DPYD: variants seen among roughly 807,000 people sequenced by gnomAD.
DPYD encodes the protein dihydropyrimidine dehydrogenase [NADP(+)].
Under a neutral mutation model 116.2 loss-of-function variants are expected in DPYD, and 109 were observed. The observed-to-expected ratio is 0.94, with a 90% CI of 0.80 to 1.10. The LOEUF is 1.10. DPYD is among the 50% of genes least tolerant of loss of function. DPYD has a pLI of 0.00. For missense variants in DPYD, 1,302 were observed against 1,254.5 expected (o/e 1.04, Z -0.57); for synonymous variants, 440 against 432.0 (o/e 1.02, Z -0.23).
intron 3 of DPYD, chr1:97,797,073 G>C (rs972683295): frequency 5.3e-5 from 8 of 152,190 alleles, no homozygotes; most frequent in Admixed American, 5.2e-4. Flanking sequence ...TGAATAACAA[G>C]TAATGATCAA....
At chr1:97,350,590 T>C (rs1194246471) in intron 16 of DPYD, among the ~76,000 whole-genome samples, 1 of 152,164 alleles carries the variant, frequency 6.6e-6, no homozygotes, top group Non-Finnish European at 1.5e-5. Flanking sequence ...GGAGCAGTTG[T>C]GTTTAAATAT....
At chr1:97,561,930 G>A (rs1652180225) in intron 11 of DPYD, among the ~76,000 whole-genome samples, 2 of 152,124 alleles carry the variant, frequency 1.3e-5, no homozygotes, top group Non-Finnish European at 2.9e-5. Flanking sequence ...TACCCTGTAT[G>A]TTACACCAGA....
intron 5 of DPYD, among the ~76,000 whole-genome samples, chr1:97,703,911 A>G (rs924761716): frequency 7.9e-5 from 12 of 152,016 alleles, no homozygotes; most frequent in Non-Finnish European, 1.6e-4. Context: ...CTGTTTACAA[A>G]ATTCCTAAAA....
intron 11 of DPYD, among the ~76,000 whole-genome samples, chr1:97,559,105 A>C (rs1651948881): frequency 6.6e-6 from 1 of 152,106 alleles, no homozygotes; most frequent in Admixed American, 6.6e-5. Flanking sequence ...GGTGCTTAAT[A>C]TTTCTTGATA....
At chr1:97,699,767 A>G (rs1162297529) in intron 5 of DPYD, among the ~76,000 whole-genome samples, 1 of 151,838 alleles carries the variant, frequency 6.6e-6, no homozygotes, top group Non-Finnish European at 1.5e-5. Context: ...TCTAGGAAAC[A>G]CTCATGGGGC....
chr1:97,098,075 T>G (rs144526871), intron 21 of DPYD, among the ~76,000 whole-genome samples: 5 of 152,140 alleles, frequency 3.3e-5, no homozygotes, highest in African/African-American at 1.2e-4. Flanking sequence ...CCAGAGAAAG[T>G]TTTTCCAAAA....
chr1:97,778,188 AAGAGAG>A lies in DPYD; in HGVS notation c.234-37715_234-37710del, dbSNP rs72197937. Among the ~76,000 whole-genome samples the A allele has an allele frequency of 9.3e-3, 985 of 106,216 alleles. 8 individuals carry two copies. Among genetic ancestry groups the A allele is most frequent in the African/African-American group, 0.015 (418 of 28,814 alleles). The allele number at this position is 106,216 out of a possible 152,430, so 69.7% of individuals were successfully genotyped here. On this transcript the variant is annotated intron_variant, in intron 3 of 22. Coordinates refer to ENST00000370192, the MANE Select transcript of DPYD (RefSeq NM_000110.4). ...AAAAAAAAAAAGAAAGAAAGAAAGAAAGAGAGAGAGAGAGAGAGAGAGAGAGAGAGA... is the reference window on the plus strand; with the variant it reads ...AAAAAAAAAAAGAAAGAAAGAAAGAAAGAGAGAGAGAGAGAGAGAGAGAGA...
chr1:97,878,148 G>A (rs1389619212), intron 2 of DPYD, among the ~76,000 whole-genome samples: 2 of 151,686 alleles, frequency 1.3e-5, no homozygotes, highest in South Asian at 2.1e-4. Flanking sequence ...TCCATGCTAC[G>A]TTCAGTACCA....
At chr1:97,704,738 G>C (rs561808552) in intron 5 of DPYD, among the ~76,000 whole-genome samples, 1 of 151,750 alleles carries the variant, frequency 6.6e-6, no homozygotes, top group Non-Finnish European at 1.5e-5. Flanking sequence ...GGCTCTTTCG[G>C]TGAGAAAGAC....
chr1:97,109,723 C>G (rs1476970845), intron 20 of DPYD, among the ~76,000 whole-genome samples: 1 of 151,920 alleles, frequency 6.6e-6, no homozygotes, highest in Non-Finnish European at 1.5e-5. Context: ...CATCTAAAAC[C>G]CTATTTAGAG....
At chr1:97,520,801 G>A (rs1180089485) in intron 12 of DPYD, among the ~76,000 whole-genome samples, 2 of 152,100 alleles carry the variant, frequency 1.3e-5, no homozygotes, top group Non-Finnish European at 2.9e-5. Context: ...CAAAGCACAT[G>A]AACTAATCCC....
At chr1:97,232,619 C>T (rs1171432467) in intron 19 of DPYD, among the ~76,000 whole-genome samples, 1 of 151,902 alleles carries the variant, frequency 6.6e-6, no homozygotes, top group Non-Finnish European at 1.5e-5. Context: ...TTCATATTGG[C>T]CAATTTCTAT....
chr1:97,738,466 A>G (rs1664083456), intron 4 of DPYD, among the ~76,000 whole-genome samples: 1 of 152,222 alleles, frequency 6.6e-6, no homozygotes, highest in South Asian at 2.1e-4. Context: ...AACAAGTGAC[A>G]TCCTTTTCTC....
At chr1:97,322,000 C>A (rs1269577469) in intron 16 of DPYD, among the ~76,000 whole-genome samples, 4 of 75,434 alleles carry the variant, frequency 5.3e-5, no homozygotes, top group South Asian at 6.2e-4. Context: ...AAACAAACAC[C>A]GCATGTTCTC....
At chr1:97,855,023 TG>T (rs1670749142) in intron 2 of DPYD, 1 of 152,184 alleles carries the variant, frequency 6.6e-6, no homozygotes, top group East Asian at 1.9e-4. Flanking sequence ...AGGGGCCAGG[TG>T]ATTCTATTAT....
At chr1:97,383,524 G>T (rs887523137) in intron 14 of DPYD, among the ~76,000 whole-genome samples, 2 of 150,106 alleles carry the variant, frequency 1.3e-5, no homozygotes, top group Non-Finnish European at 3.0e-5. Flanking sequence ...AGTAATAAAA[G>T]AAATTGCTAA....
intron 15 of DPYD, among the ~76,000 whole-genome samples, chr1:97,378,502 C>T (rs946145412): frequency 6.6e-6 from 1 of 152,140 alleles, no homozygotes; most frequent in African/African-American, 2.4e-5. Flanking sequence ...TCTGCTGGAC[C>T]TTCCTTGTCT....
In DPYD at chr1:97,338,623, A is replaced by G. The variant is rs148500558; in HGVS notation, c.2059-32326T>C. On this transcript the variant is annotated intron_variant, in intron 16 of 22. Coordinates refer to ENST00000370192, the MANE Select transcript of DPYD (RefSeq NM_000110.4). ...GCAATAGGTAGGACAAAATGCTACA[A>G]GTTTTTATATTTTAGAAGGAACTTT... Among the ~76,000 whole-genome samples, 382 of 152,244 alleles carry G rather than the reference A, an allele frequency of 2.5e-3. 1 individual carries two copies. The highest frequency in any genetic ancestry group is 4.3e-3 in the Non-Finnish European group (290 of 68,010).
chr1:97,369,470 C>T (rs1435151163), intron 16 of DPYD, among the ~76,000 whole-genome samples: 1 of 152,116 alleles, frequency 6.6e-6, no homozygotes, highest in Admixed American at 6.6e-5. Context: ...AGGAACTGTT[C>T]TAGACAACTT....
Sources: allele counts gnomAD v4.1 joint callset (sites outside exome capture counted in the v4.1 genomes callset), GRCh38; gene constraint gnomAD v4.1.1; transcripts MANE v1.5; gene names NCBI Gene and HGNC (gene_info 2026-07-23, HGNC 2026-07-21).